The following PCDHGC3 variants were observed in gnomAD, a reference collection of about 807,000 sequenced individuals.
PCDHGC3 encodes protocadherin gamma subfamily C, 3.
Under a neutral mutation model 59.2 loss-of-function variants are expected in PCDHGC3, and 26 were observed. That is an observed-to-expected ratio of 0.44 (90% CI 0.32 to 0.61). The LOEUF is 0.61. PCDHGC3 is among the 20% of genes least tolerant of loss of function. PCDHGC3 has a pLI of 0.05. For synonymous variants in PCDHGC3, 487 were observed against 519.7 expected, an observed-to-expected ratio of 0.94 and a Z score of 0.86; for missense variants, 1,080 against 1,221.8, an observed-to-expected ratio of 0.88 and a Z score of 1.73.
rs764777183 is a variant in PCDHGC3 at position 141,478,039 on chromosome 5, G to A, written c.1923G>A (p.Arg641=). Residue 641 remains arginine, a synonymous_variant, in exon 1 of 4, where the codon AGG becomes AGA. Coordinates refer to ENST00000308177, the MANE Select transcript of PCDHGC3 (RefSeq NM_002588.4). The part of the protein sequence containing the change: ...ARPVQDTDSP[R]QTLTVLIKDN... ...CAGTCCAAGACACAGATTCACCCAGGCAGACTCTCACGGTCTTGATCAAAG... is the reference window on the plus strand; with the variant it reads ...CAGTCCAAGACACAGATTCACCCAGACAGACTCTCACGGTCTTGATCAAAG... 29 of 1,613,978 alleles carry A rather than the reference G, an allele frequency of 1.8e-5. No homozygotes were observed. Among genetic ancestry groups the A allele is most frequent in the Non-Finnish European group, 2.5e-5 (29 of 1,180,042 alleles).
chr5:141,500,497 C>T (rs1214550546), intron 2 of PCDHGC3, among the ~76,000 whole-genome samples: 1 of 152,174 alleles, frequency 6.6e-6, no homozygotes, highest in Non-Finnish European at 1.5e-5. Context: ...GCGTGAGCCA[C>T]CGCGCCTGGC....
rs2099641707 is a variant in PCDHGC3 at position 141,487,238 on chromosome 5, C to T, written c.2431-7569C>T. 1.2e-6 allele frequency: 2 copies of T among 1,614,056 alleles called. No individual in the cohort carries two copies. The highest frequency in any genetic ancestry group is 1.7e-6 in the Non-Finnish European group (2 of 1,180,022). On this transcript the variant is annotated intron_variant, in intron 1 of 3. Transcript: ENST00000308177. This position sits in a 1 kb window ranked among gnomAD's most constrained non-coding sequence, Gnocchi z 5.0. ...AGCTCCAAGGGAAGGAGAATCTCGT[C>T]TAACCCTCTACTTGGCTGTGTCCCT...
Position 141,491,324 on chromosome 5 carries a change from T to C in PCDHGC3, c.2431-3483T>C, listed in dbSNP as rs762200164. 16 of 1,614,060 alleles carry C rather than the reference T, an allele frequency of 9.9e-6. No homozygotes were observed. The highest frequency in any genetic ancestry group is 8.3e-5 in the Admixed American group (5 of 60,010). On this transcript the variant is annotated intron_variant, in intron 1 of 3. Transcript: ENST00000308177. This position sits in a 1 kb window ranked among gnomAD's most constrained non-coding sequence, Gnocchi z 6.9. ...CGTTCAGACCTTACCCTTTACCTCA[T>C]TGTGGCTCTAGCGACCGTCAGTCTC...
At chr5:141,500,221 TTTA>T (rs1428029040) in intron 2 of PCDHGC3, among the ~76,000 whole-genome samples, 2 of 151,002 alleles carry the variant, frequency 1.3e-5, no homozygotes, top group Non-Finnish European at 2.9e-5. Flanking sequence ...TATTTATTTA[TTTA>T]TTGATACGTA....
In PCDHGC3 at chr5:141,489,504, A is replaced by G. The variant is rs148241772; in HGVS notation, c.2431-5303A>G. 193 of 1,614,016 alleles carry G rather than the reference A, an allele frequency of 1.2e-4. No individual in the cohort carries two copies. Among genetic ancestry groups the G allele is most frequent in the Non-Finnish European group, 1.6e-4 (184 of 1,180,046 alleles). On this transcript the variant is annotated intron_variant, in intron 1 of 3. Transcript: ENST00000308177. The surrounding 1 kb of genome is among the most constrained non-coding windows in gnomAD (Gnocchi z 4.5). ...TGAGTGGTGCCCTGGCAGTGAATCA[A>G]AAGATTGACCGAGAAAGCCTATGTG...
chr5:141,510,223 G>C (rs944276162), intron 3 of PCDHGC3, among the ~76,000 whole-genome samples: 1 of 151,302 alleles, frequency 6.6e-6, no homozygotes, highest in African/African-American at 2.4e-5. Context: ...CAGTGAGCCG[G>C]GATCGCGCCA....
At chr5:141,494,190 G>GAGAA (rs2099752701) in intron 1 of PCDHGC3, among the ~76,000 whole-genome samples, 1 of 152,186 alleles carries the variant, frequency 6.6e-6, no homozygotes, top group Non-Finnish European at 1.5e-5. Flanking sequence ...CCCGGGACTT[G>GAGAA]GATGCCCCGC....
In PCDHGC3 at chr5:141,486,805, C is replaced by A; in HGVS notation, c.2431-8002C>A. On this transcript the variant is annotated intron_variant, in intron 1 of 3. Transcript: ENST00000308177. The surrounding 1 kb of genome is among the most constrained non-coding windows in gnomAD (Gnocchi z 5.0). ...AGGCCCGGGATCGGGGCAACCCACC[C>A]CTTAGCAGCACTGTAACAGTTCGTC... 1.2e-6 allele frequency: 2 copies of A among 1,614,242 alleles called. No homozygotes were observed. Among genetic ancestry groups the A allele is most frequent in the Admixed American group, 1.7e-5 (1 of 60,034 alleles).
chr5:141,504,287 T>C (rs1191226511), intron 2 of PCDHGC3, among the ~76,000 whole-genome samples: 2 of 152,166 alleles, frequency 1.3e-5, no homozygotes, highest in Non-Finnish European at 2.9e-5. Flanking sequence ...AATCATTTCA[T>C]GTTTTTTCAA....
At chr5:141,502,118 G>A (rs897244225) in intron 2 of PCDHGC3, among the ~76,000 whole-genome samples, 3 of 152,108 alleles carry the variant, frequency 2.0e-5, no homozygotes, top group African/African-American at 7.2e-5. Context: ...CCTCAGCCAG[G>A]CCCACAGAGC....
Position 141,486,880 on chromosome 5 carries a change from G to T in PCDHGC3, c.2431-7927G>T. On this transcript the variant is annotated intron_variant, in intron 1 of 3. Transcript: ENST00000308177. The surrounding 1 kb of genome is among the most constrained non-coding windows in gnomAD (Gnocchi z 5.0). The stretch of plus-strand genomic sequence containing the variant: ...ATGCTCCAGCTGTGCTCCGTCCTCG[G>T]GCCCGGCCTGGTTCCTTATGTCCCC... The T allele has an allele frequency of 6.2e-7, 1 of 1,614,212 alleles. No homozygotes were observed. Among genetic ancestry groups the T allele is most frequent in the East Asian group, 2.2e-5 (1 of 44,882 alleles).
At chr5:141,488,932 A>G (rs2233598) in intron 1 of PCDHGC3, among the ~76,000 whole-genome samples, 31,368 of 152,090 alleles carry the variant, frequency 0.21, 3,372 homozygotes, top group Admixed American at 0.31. Flanking sequence ...GGATTGAGGA[A>G]ACTCCATAAT....
chr5:141,490,288 G>A lies in PCDHGC3; in HGVS notation c.2431-4519G>A. On this transcript the variant is annotated intron_variant, in intron 1 of 3. Coordinates refer to ENST00000308177, the MANE Select transcript of PCDHGC3 (RefSeq NM_002588.4). The surrounding 1 kb of genome is among the most constrained non-coding windows in gnomAD (Gnocchi z 5.4). ...GGATGTCAATGACAATGCCCCAGAG[G>A]TGCTATTGGCCTCTTTGGCCAACCC... The A allele has an allele frequency of 3.7e-6, 6 of 1,614,198 alleles. No individual in the cohort carries two copies. The highest frequency in any genetic ancestry group is 5.1e-6 in the Non-Finnish European group (6 of 1,180,042).
At chr5:141,479,242 A>G (rs2099491093) in intron 1 of PCDHGC3, 1 of 152,320 alleles carries the variant, frequency 6.6e-6, no homozygotes, top group African/African-American at 2.4e-5. Context: ...AAACCCAAAG[A>G]TAACCATTTT....
rs1375469711 is a variant in PCDHGC3 at position 141,512,102 on chromosome 5, C to G, written c.*929C>G. On this transcript the variant is annotated 3_prime_UTR_variant, in exon 4 of 4. Coordinates refer to ENST00000308177, the MANE Select transcript of PCDHGC3 (RefSeq NM_002588.4). Reference sequence around the variant, plus strand: ...GCCATAAACCAATAACTAGGCTGGACCCTTCCCACTACATAATAGGGCTCA... The same window carrying G: ...GCCATAAACCAATAACTAGGCTGGAGCCTTCCCACTACATAATAGGGCTCA... The G allele has an allele frequency of 6.5e-6, 1 of 152,806 alleles. No individual in the cohort carries two copies. The highest frequency in any genetic ancestry group is 1.9e-4 in the East Asian group (1 of 5,182). The allele number at this position is 152,806 out of a possible 1,614,324, so 9.5% of individuals were successfully genotyped here. A position where few individuals can be genotyped will look rare whatever the true frequency, so the allele number is the denominator to read the frequency against.
chr5:141,506,115 T>C (rs1211973354), intron 3 of PCDHGC3, among the ~76,000 whole-genome samples: 1 of 152,062 alleles, frequency 6.6e-6, no homozygotes, highest in Admixed American at 6.5e-5. Context: ...GAAGAGTCAC[T>C]AGGGCCCAGA....
Position 141,502,866 on chromosome 5 carries a change from C to CTTTTTTTTTTTTT in PCDHGC3, c.2490-2525_2490-2513dup, listed in dbSNP as rs549047197. ...GAGCTGCCTAACCCTGACTCTCTGT[C>CTTTTTTTTTTTTT]TTTTTTTTTTTTTTGACAGGGAGTC... On this transcript the variant is annotated intron_variant, in intron 2 of 3. Transcript: ENST00000308177. Among the ~76,000 whole-genome samples, 40 of 128,010 alleles carry CTTTTTTTTTTTTT rather than the reference C, an allele frequency of 3.1e-4. 6 individuals carry two copies. The highest frequency in any genetic ancestry group is 5.1e-4 in the Admixed American group (6 of 11,656). 84.0% of individuals were successfully genotyped at this position (128,010 alleles called of 152,430 possible). A position where few individuals can be genotyped will look rare whatever the true frequency, so the allele number is the denominator to read the frequency against.
In PCDHGC3 at chr5:141,487,605, A is replaced by G. The variant is rs202066746; in HGVS notation, c.2431-7202A>G. Reference sequence around the variant, plus strand: ...AGCTGCCCACCCTCTGATCTTCTCTATGGGCTAGAGGTGAGACCTTTGCAG... The same window carrying G: ...AGCTGCCCACCCTCTGATCTTCTCTGTGGGCTAGAGGTGAGACCTTTGCAG... On this transcript the variant is annotated intron_variant, in intron 1 of 3. Transcript: ENST00000308177. The surrounding 1 kb of genome is among the most constrained non-coding windows in gnomAD (Gnocchi z 5.0). 8.7e-6 allele frequency: 14 copies of G among 1,614,008 alleles called. No individual in the cohort carries two copies. In the South Asian group the frequency reaches 8.8e-5, roughly 10 times the overall value.
chr5:141,478,716 G>T, intron 1 of PCDHGC3, 170 bp downstream of exon 1: 1 of 1,545,206 alleles, frequency 6.5e-7, no homozygotes. Flanking sequence ...TGAGATGGTG[G>T]CCTGCCAGAG....
Sources: gnomAD v4.1 joint callset for allele counts (sites outside exome capture counted in the v4.1 genomes callset) on GRCh38, gnomAD v4.1.1 for gene constraint, Gnocchi (gnomAD v3.1) non-coding constraint, MANE v1.5 for transcripts, NCBI Gene and HGNC (gene_info 2026-07-23, HGNC 2026-07-21) for gene names.